FGFR2: variants seen among roughly 807,000 people sequenced by gnomAD.
FGFR2 encodes BEK fibroblast growth factor receptor.
In FGFR2, 19 loss-of-function variants were observed where a neutral mutation model predicts 95.9. The observed-to-expected ratio is 0.20, with a 90% confidence interval of 0.14 to 0.29. FGFR2 has a LOEUF of 0.29. Ranked by LOEUF, FGFR2 falls within the 10% of genes least tolerant of loss-of-function variation. FGFR2 has a pLI of 1.00. For synonymous variants in FGFR2, 392 were observed against 393.3 expected, an observed-to-expected ratio of 1.00 and a Z score of 0.04; for missense variants, 707 against 1,056.9, an observed-to-expected ratio of 0.67 and a Z score of 4.59.
intron 2 of FGFR2, among the ~76,000 whole-genome samples, chr10:121,575,301 C>T (rs1044180337): frequency 1.3e-5 from 2 of 152,106 alleles, no homozygotes; most frequent in Non-Finnish European, 2.9e-5. Flanking sequence ...TCCCAATGTC[C>T]CCACCCACAG....
chr10:121,551,207 G>T (rs371561197), intron 5 of FGFR2, 83 bp downstream of exon 5: 1 of 1,488,158 alleles, frequency 6.7e-7, no homozygotes, highest in Non-Finnish European at 9.3e-7. Context: ...GCGACAGAGC[G>T]AGACTCCATC....
At chr10:121,547,973 T>C (rs1412050467) in intron 5 of FGFR2, among the ~76,000 whole-genome samples, 1 of 152,150 alleles carries the variant, frequency 6.6e-6, no homozygotes, top group Non-Finnish European at 1.5e-5. Flanking sequence ...TCCCAGGAGA[T>C]GAGAAATGTG....
At chr10:121,597,203 C>CGT (rs781668181) in intron 1 of FGFR2, among the ~76,000 whole-genome samples, 82 of 152,310 alleles carry the variant, frequency 5.4e-4, no homozygotes, top group Admixed American at 1.7e-3. Context: ...TCGGAGCCAG[C>CGT]GCCACGCAGG....
At chr10:121,563,863 C>T (rs1288841112) in intron 4 of FGFR2, among the ~76,000 whole-genome samples, 2 of 152,186 alleles carry the variant, frequency 1.3e-5, no homozygotes, top group Non-Finnish European at 2.9e-5. Context: ...AGCAAGCCAC[C>T]CTTGGCTCCC....
intron 17 of FGFR2, among the ~76,000 whole-genome samples, chr10:121,482,654 G>A (rs553018183): frequency 1.9e-4 from 29 of 152,114 alleles, no homozygotes; most frequent in Non-Finnish European, 3.8e-4. Context: ...AGACTTGATG[G>A]GTTTATCATC....
chr10:121,480,528 G>A (rs1473308230), intron 17 of FGFR2: 5 of 225,084 alleles, frequency 2.2e-5, no homozygotes, highest in Non-Finnish European at 3.6e-5. Context: ...TTTATTTTCT[G>A]AATTACATTT....
chr10:121,550,847 T>C (rs1855289245), intron 5 of FGFR2, among the ~76,000 whole-genome samples: 1 of 152,128 alleles, frequency 6.6e-6, no homozygotes, highest in Non-Finnish European at 1.5e-5. Flanking sequence ...AACCCTGACA[T>C]GGGCAATTGT....
intron 4 of FGFR2, among the ~76,000 whole-genome samples, chr10:121,558,088 C>T (rs1170615350): frequency 6.6e-6 from 1 of 152,184 alleles, no homozygotes; most frequent in Non-Finnish European, 1.5e-5. Flanking sequence ...ATGATCTTCT[C>T]AAAAACTAAG....
At chr10:121,567,665 G>A (rs1857892227) in intron 2 of FGFR2, among the ~76,000 whole-genome samples, 1 of 152,256 alleles carries the variant, frequency 6.6e-6, no homozygotes, top group Non-Finnish European at 1.5e-5. Flanking sequence ...CACAGCAGTG[G>A]CAGAGGAGGG....
chr10:121,576,243 C>T (rs1250378782), intron 2 of FGFR2, among the ~76,000 whole-genome samples: 1 of 152,114 alleles, frequency 6.6e-6, no homozygotes. Context: ...TTTCCCAAAG[C>T]GACAGGCCAT....
chr10:121,581,486 C>T (rs1860851152), intron 2 of FGFR2, among the ~76,000 whole-genome samples: 1 of 148,384 alleles, frequency 6.7e-6, no homozygotes, highest in African/African-American at 2.5e-5. Context: ...CACCTGTGAT[C>T]CCAGCACTCT....
intron 5 of FGFR2, among the ~76,000 whole-genome samples, chr10:121,548,766 C>T (rs1340340032): frequency 1.3e-5 from 2 of 152,096 alleles, no homozygotes; most frequent in East Asian, 3.9e-4. Flanking sequence ...ATCATTGGAA[C>T]TGCATCAATT....
At chr10:121,596,518 A>ACATCAGG in intron 1 of FGFR2, 1 of 194,856 alleles carries the variant, frequency 5.1e-6, no homozygotes, top group Non-Finnish European at 1.1e-5. Context: ...CAGGAAAGTC[A>ACATCAGG]ACAGTGTCCG....
chr10:121,496,730 G>A lies in FGFR2; in HGVS notation c.1673-8C>T, dbSNP rs756716480. ...CTATGACATAGAGAGGCCCTGTTGAGGAAGAAGAGAAGCTCCCTAAAGAGA... is the reference window on the plus strand; with the variant it reads ...CTATGACATAGAGAGGCCCTGTTGAAGAAGAAGAGAAGCTCCCTAAAGAGA... On this transcript the variant is annotated splice_region_variant and splice_polypyrimidine_tract_variant and intron_variant, in intron 12 of 17. Coordinates refer to ENST00000358487, the MANE Select transcript of FGFR2 (RefSeq NM_000141.5). The A allele has an allele frequency of 5.6e-6, 9 of 1,611,326 alleles. No individual in the cohort carries two copies. In the African/African-American group the frequency reaches 1.2e-4, roughly 22 times the overall value.
intron 2 of FGFR2, among the ~76,000 whole-genome samples, chr10:121,586,527 G>A (rs1861855590): frequency 6.6e-6 from 1 of 152,168 alleles, no homozygotes; most frequent in East Asian, 1.9e-4. Context: ...GGCATGATGT[G>A]GCCAAAGTCC....
At chr10:121,506,519 C>T (rs1176110472) in intron 9 of FGFR2, among the ~76,000 whole-genome samples, 1 of 152,162 alleles carries the variant, frequency 6.6e-6, no homozygotes, top group Non-Finnish European at 1.5e-5. Flanking sequence ...GCATAGGAAG[C>T]TGCAATCAAT....
chr10:121,562,444 T>C (rs1263840547), intron 4 of FGFR2, among the ~76,000 whole-genome samples: 1 of 152,038 alleles, frequency 6.6e-6, no homozygotes, highest in Non-Finnish European at 1.5e-5. Context: ...ACCACTACAC[T>C]TGGCTAACCT....
intron 2 of FGFR2, among the ~76,000 whole-genome samples, chr10:121,592,546 A>T (rs769016794): frequency 6.6e-6 from 1 of 152,122 alleles, no homozygotes; most frequent in East Asian, 1.9e-4. Context: ...TTCAATGACA[A>T]GTGCCTGGGG....
intron 6 of FGFR2, 59 bp from the exon 7 acceptor site, chr10:121,520,228 A>C (rs1850333974): frequency 3.3e-6 from 5 of 1,537,516 alleles, no homozygotes; most frequent in Non-Finnish European, 4.4e-6. Flanking sequence ...ACCAATAAAT[A>C]AGCTGTGTTG....
Sources: allele counts gnomAD v4.1 joint callset (sites outside exome capture counted in the v4.1 genomes callset), GRCh38; gene constraint gnomAD v4.1.1; transcripts MANE v1.5; gene names NCBI Gene and HGNC (gene_info 2026-07-23, HGNC 2026-07-21).